The following DLGAP2 variants were observed in gnomAD, a reference collection of about 807,000 sequenced individuals.
DLGAP2 encodes the protein DLG associated protein 2, also known as disks large-associated protein 2.
Under a neutral mutation model 100.3 loss-of-function variants are expected in DLGAP2, and 26 were observed. That is an observed-to-expected ratio of 0.26 (90% CI 0.19 to 0.36). The LOEUF is 0.36. Ranked by LOEUF, DLGAP2 falls within the 10% of genes least tolerant of loss-of-function variation. DLGAP2 has a pLI of 1.00. For synonymous variants in DLGAP2, 886 were observed against 630.1 expected (o/e 1.41, Z -6.08); for missense variants, 1,858 against 1,453.2 (o/e 1.28, Z -4.53).
chr8:1,651,935 CTCAGAGCCTCG>C lies in DLGAP2; in HGVS notation c.1811-16385_1811-16375del, dbSNP rs1798175528. ...CAGCCAGCCTTTGCATGAGGCAGCA[CTCAGAGCCTCG>C]TCAGAGCCGGGCTGGGCAGGCAGCC... On this transcript the variant is annotated intron_variant, in intron 8 of 14. Coordinates refer to ENST00000637795, the MANE Select transcript of DLGAP2 (RefSeq NM_001346810.2). Among the ~76,000 whole-genome samples, 2 of 152,036 alleles carry C rather than the reference CTCAGAGCCTCG, an allele frequency of 1.3e-5. 1 individual carries two copies. Among genetic ancestry groups the C allele is most frequent in the South Asian group, 4.1e-4 (2 of 4,830 alleles).
chr8:1,501,504 A>G lies in DLGAP2; in HGVS notation c.172+73A>G. On this transcript the variant is annotated intron_variant, in intron 4 of 14. Transcript: ENST00000637795. ...GGGCATGCTCCGGGCACCTCCCATC[A>G]TGCGGACCGTCCCACAAACACACGT... The G allele has an allele frequency of 8.5e-6, 12 of 1,417,022 alleles. No homozygotes were observed. In the South Asian group the frequency reaches 1.5e-4, roughly 18 times the overall value. 87.8% of individuals were successfully genotyped at this position (1,417,022 alleles called of 1,614,324 possible).
chr8:739,175 A>T (rs559962768), intron 1 of DLGAP2: 16 of 152,348 alleles, frequency 1.1e-4, no homozygotes, highest in African/African-American at 3.9e-4. Context: ...AACTGTAAAT[A>T]TTCTCCAAAG....
intron 3 of DLGAP2, among the ~76,000 whole-genome samples, chr8:1,333,540 G>T (rs530101207): frequency 6.6e-6 from 1 of 152,154 alleles, no homozygotes; most frequent in African/African-American, 2.4e-5. Context: ...CGTGAGTCCT[G>T]TGTGCAGGGT....
intron 3 of DLGAP2, among the ~76,000 whole-genome samples, chr8:1,476,289 G>A (rs1439046121): frequency 1.3e-5 from 2 of 152,116 alleles, no homozygotes; most frequent in East Asian, 3.9e-4. Context: ...TCCCTCTGAA[G>A]TCTTATTTAC....
intron 6 of DLGAP2, among the ~76,000 whole-genome samples, chr8:1,572,548 A>C (rs1247671853): frequency 3.3e-5 from 3 of 89,782 alleles, no homozygotes; most frequent in African/African-American, 4.5e-5. Flanking sequence ...GGGGCGTCTG[A>C]TGAGATGGAG....
chr8:1,262,780 A>C (rs1799377428), intron 3 of DLGAP2, among the ~76,000 whole-genome samples: 1 of 152,234 alleles, frequency 6.6e-6, no homozygotes, highest in Non-Finnish European at 1.5e-5. Context: ...AAAATAATTT[A>C]AGAGTACCTG....
At chr8:1,538,451 A>G (rs1258481209) in intron 4 of DLGAP2, among the ~76,000 whole-genome samples, 2 of 152,182 alleles carry the variant, frequency 1.3e-5, no homozygotes, top group Non-Finnish European at 2.9e-5. Flanking sequence ...TGAAGAACAT[A>G]TTAACTTCCT....
At chr8:1,263,981 G>C (rs1799401989) in intron 3 of DLGAP2, among the ~76,000 whole-genome samples, 1 of 152,154 alleles carries the variant, frequency 6.6e-6, no homozygotes, top group South Asian at 2.1e-4. Context: ...TCTAGGACCT[G>C]AACATGGTTA....
In DLGAP2 at chr8:1,311,512, G is replaced by A. The variant is rs569824763; in HGVS notation, c.106+52629G>A. The stretch of plus-strand genomic sequence containing the variant: ...ACAAACCATATCCCTTATCAATGTA[G>A]ATGCTAAAATTTTCCACAGAATACC... On this transcript the variant is annotated intron_variant, in intron 3 of 14. Transcript: ENST00000637795. Among the ~76,000 whole-genome samples the A allele has an allele frequency of 3.1e-4, 47 of 152,282 alleles. 1 individual carries two copies. In the South Asian group the frequency reaches 9.3e-3, roughly 30 times the overall value.
At chr8:1,373,869 T>G (rs1245905669) in intron 3 of DLGAP2, 1 of 152,246 alleles carries the variant, frequency 6.6e-6, no homozygotes, top group Admixed American at 6.5e-5. Flanking sequence ...CAGAGAATGC[T>G]CTCCACAGTA....
intron 3 of DLGAP2, among the ~76,000 whole-genome samples, chr8:1,286,389 G>A (rs1799921761): frequency 6.6e-6 from 1 of 152,208 alleles, no homozygotes; most frequent in Non-Finnish European, 1.5e-5. Context: ...TGAATACAAT[G>A]TATATAGAAA....
intron 2 of DLGAP2, among the ~76,000 whole-genome samples, chr8:998,253 A>G (rs1301574756): frequency 6.6e-6 from 1 of 152,198 alleles, no homozygotes; most frequent in South Asian, 2.1e-4. Context: ...CATCTGTGTC[A>G]TGTCATACAA....
At chr8:1,171,485 T>G (rs1797127513) in intron 2 of DLGAP2, among the ~76,000 whole-genome samples, 1 of 151,912 alleles carries the variant, frequency 6.6e-6, no homozygotes, top group African/African-American at 2.4e-5. Flanking sequence ...CAGTGGGGTA[T>G]TAAAGTCTCC....
chr8:1,322,756 A>T (rs189045927), intron 3 of DLGAP2, among the ~76,000 whole-genome samples: 118 of 152,368 alleles, frequency 7.7e-4, no homozygotes, highest in Middle Eastern at 3.4e-3. Context: ...TGGGAAACAT[A>T]GATCAGATCG....
intron 1 of DLGAP2, among the ~76,000 whole-genome samples, chr8:849,652 G>A (rs1797143721): frequency 6.6e-6 from 1 of 152,174 alleles, no homozygotes; most frequent in Non-Finnish European, 1.5e-5. Context: ...TCCTAATAGT[G>A]GAGAGTTGTA....
At chr8:1,671,694 C>G (rs1322915485) in intron 10 of DLGAP2, among the ~76,000 whole-genome samples, 1 of 152,230 alleles carries the variant, frequency 6.6e-6, no homozygotes, top group East Asian at 1.9e-4. Context: ...CCTATGGCCC[C>G]CGTCCTCCTT....
intron 3 of DLGAP2, among the ~76,000 whole-genome samples, chr8:1,409,062 C>T (rs979827904): frequency 9.2e-5 from 14 of 152,212 alleles, no homozygotes; most frequent in African/African-American, 3.4e-4. Context: ...TGCCCAACCC[C>T]TTCCTCACTG....
At chr8:1,365,760 G>C (rs143385299) in intron 3 of DLGAP2, among the ~76,000 whole-genome samples, 2 of 152,340 alleles carry the variant, frequency 1.3e-5, no homozygotes, top group African/African-American at 4.8e-5. Context: ...AGGCCCACGC[G>C]GAGGGCGAGC....
At chr8:910,491 G>C (rs1485462298) in intron 2 of DLGAP2, 1 of 152,176 alleles carries the variant, frequency 6.6e-6, no homozygotes, top group Non-Finnish European at 1.5e-5. Flanking sequence ...AGGAGAATGC[G>C]ACCAAGGAGA....
Sources: allele counts gnomAD v4.1 joint callset (sites outside exome capture counted in the v4.1 genomes callset), GRCh38; gene constraint gnomAD v4.1.1; transcripts MANE v1.5; gene names NCBI Gene and HGNC (gene_info 2026-07-23, HGNC 2026-07-21).